GCC2: variants seen among roughly 807,000 people sequenced by gnomAD.
The protein encoded by GCC2 is GRIP and coiled-coil domain containing 2.
A neutral mutation model predicts 210.6 loss-of-function variants in GCC2; 120 were observed. The observed-to-expected ratio is 0.57, with a 90% confidence interval of 0.49 to 0.66. GCC2 has a LOEUF of 0.66. GCC2 is among the 30% of genes least tolerant of loss of function. GCC2 has a pLI of 0.00. For synonymous variants in GCC2, 703 were observed against 652.7 expected (o/e 1.08, Z -1.17); for missense variants, 1,868 against 1,871.9 (o/e 1.00, Z 0.04).
chr2:108,499,316 C>T (rs1036434615), intron 21 of GCC2, among the ~76,000 whole-genome samples: 20 of 151,056 alleles, frequency 1.3e-4, no homozygotes, highest in Non-Finnish European at 1.8e-4. Flanking sequence ...AGCTTTGAAA[C>T]TATCTCATAG....
chr2:108,478,630 C>T lies in GCC2; in HGVS notation c.3060+2780C>T, dbSNP rs1012756335. On this transcript the variant is annotated intron_variant, in intron 9 of 22. Coordinates refer to ENST00000309863, the MANE Select transcript of GCC2 (RefSeq NM_181453.4). The stretch of plus-strand genomic sequence containing the variant: ...TGTATGCATGGCATTCATTTTTGTT[C>T]CAAGACTCCCCTTAGGAATAATACT... Among the ~76,000 whole-genome samples the T allele has an allele frequency of 3.9e-5, 6 of 152,274 alleles. 1 individual carries two copies. The South Asian group carries it at 8.3e-4, about 21-fold the overall frequency.
chr2:108,487,728 C>T lies in GCC2; in HGVS notation c.3960C>T (p.Phe1320=), dbSNP rs141270164. 1.4e-5 allele frequency: 22 copies of T among 1,612,896 alleles called. No individual in the cohort carries two copies. In the African/African-American group the frequency reaches 2.1e-4, roughly 16 times the overall value. The stretch of plus-strand genomic sequence containing the variant: ...AACAAGCTACTGTAACCTCTGAATT[C>T]GAGAGCTACAAAGTCCGAGTTCATA... The part of the protein sequence containing the change: ...KAEQATVTSE[F]ESYKVRVHNV... Residue 1320 remains phenylalanine (F), a synonymous_variant, in exon 17 of 23, where the codon TTC becomes TTT. Coordinates refer to ENST00000309863, the MANE Select transcript of GCC2 (RefSeq NM_181453.4).
In GCC2 at chr2:108,472,890, G is replaced by GA; in HGVS notation, c.2857dup (p.Ile953AsnfsTer17). On this transcript the variant is annotated frameshift_variant, in exon 7 of 23. Coordinates refer to ENST00000309863, the MANE Select transcript of GCC2 (RefSeq NM_181453.4). LOFTEE classifies it high-confidence loss of function. ...TCTGTCTTCAGTAAAAGAGTTGGAA[G>GA]AAAAAATAGGTAACTATGGTTTTGC... 2 of 1,559,622 alleles carry GA rather than the reference G, an allele frequency of 1.3e-6. No homozygotes were observed. Among genetic ancestry groups the GA allele is most frequent in the Non-Finnish European group, 1.8e-6 (2 of 1,139,364 alleles).
At chr2:108,467,699 A>G (rs1054598127) in intron 4 of GCC2, among the ~76,000 whole-genome samples, 4 of 152,198 alleles carry the variant, frequency 2.6e-5, no homozygotes, top group Non-Finnish European at 4.4e-5. Flanking sequence ...GGATTTTTGC[A>G]TTTAGATTTG....
At chr2:108,494,157 G>A in intron 19 of GCC2, 1 of 257,166 alleles carries the variant, frequency 3.9e-6, no homozygotes, top group Non-Finnish European at 6.1e-6. Flanking sequence ...TGGATCACAT[G>A]AGGCCAGGAG....
intron 4 of GCC2, among the ~76,000 whole-genome samples, chr2:108,452,983 C>T (rs1027373113): frequency 1.3e-5 from 2 of 152,192 alleles, no homozygotes; most frequent in African/African-American, 2.4e-5. Context: ...TGAGCCACCA[C>T]GCCCAGCCCA....
chr2:108,469,703 T>A lies in GCC2; in HGVS notation c.374T>A (p.Ile125Lys). The A allele has an allele frequency of 6.2e-7, 1 of 1,609,508 alleles. No homozygotes were observed. Among genetic ancestry groups the A allele is most frequent in the Non-Finnish European group, 8.5e-7 (1 of 1,176,334 alleles). The change falls in exon 6 of 23, where the codon ATA (isoleucine) becomes AAA (lysine). Residue 125 changes from isoleucine (I) to lysine (K), a missense_variant. Coordinates refer to ENST00000309863, the MANE Select transcript of GCC2 (RefSeq NM_181453.4). ...CATAAGGAGTTGGAACAATCACATA[T>A]AAACTATGTGAAAGAAATTGAAAAT... is the stretch of plus-strand genomic sequence containing the variant. The part of the protein sequence containing the change: ...DAHKELEQSH[I>K]NYVKEIENLK...
In GCC2 at chr2:108,475,602, G is replaced by A. The variant is rs201741301; in HGVS notation, c.2928G>A (p.Lys976=). The A allele has an allele frequency of 1.7e-5, 27 of 1,545,840 alleles. No individual in the cohort carries two copies. The African/African-American group carries it at 3.2e-4, about 18-fold the overall frequency. ...ATAAGATAAAATTAGTTGCCGTAAAGGCAAAGAAAGAACTAGATTCCAGCA... is the reference window on the plus strand; with the variant it reads ...ATAAGATAAAATTAGTTGCCGTAAAAGCAAAGAAAGAACTAGATTCCAGCA... ...KINKIKLVAV[K]AKKELDSSRK... The change falls in exon 8 of 23, where the codon AAG becomes AAA. Residue 976 remains lysine (K), a synonymous_variant. Transcript: ENST00000309863.
chr2:108,493,326 G>C, intron 19 of GCC2: 1 of 724,172 alleles, frequency 1.4e-6, no homozygotes, highest in Non-Finnish European at 1.7e-6. Flanking sequence ...CTGACCTCGT[G>C]ATCCACCCGC....
intron 19 of GCC2, chr2:108,494,388 C>G (rs1449804714): frequency 2.0e-5 from 3 of 151,286 alleles, no homozygotes; most frequent in African/African-American, 4.9e-5. Context: ...AAAAAAAAAA[C>G]ACTATACAGT....
chr2:108,483,310 G>A, intron 12 of GCC2, 144 bp downstream of exon 12: 1 of 536,404 alleles, frequency 1.9e-6, no homozygotes, highest in East Asian at 3.6e-5. Flanking sequence ...TGCAACCTCC[G>A]CCTCCCGAGT....
At chr2:108,481,618 C>A in intron 9 of GCC2, 79 bp from the exon 10 acceptor site, 1 of 1,058,658 alleles carries the variant, frequency 9.4e-7, no homozygotes, top group Non-Finnish European at 1.4e-6. Flanking sequence ...ACTCATGAAT[C>A]TTAAGGTGGC....
At position 108,487,819 on chromosome 2, in the gene GCC2, AG is replaced by A; in HGVS notation, c.4052+1del. The A allele has an allele frequency of 6.2e-7, 1 of 1,612,938 alleles. No individual in the cohort carries two copies. Among genetic ancestry groups the A allele is most frequent in the Non-Finnish European group, 8.5e-7 (1 of 1,179,434 alleles). ...TGAAACTGAGGGCGCTAAACAAGAA[AG>A]GTAAAGTCTGAATTAAATATGCAGA... is the stretch of plus-strand genomic sequence containing the variant. ...QAETEGAKQE[R>X]EHLEMLIDQL... is the part of the protein sequence containing the mutation. On this transcript the variant is annotated frameshift_variant and splice_region_variant, in exon 17 of 23. Transcript: ENST00000309863. LOFTEE classifies it high-confidence loss of function.
intron 4 of GCC2, 43 bp from the exon 5 acceptor site, chr2:108,468,937 A>T: frequency 7.9e-7 from 1 of 1,267,192 alleles, no homozygotes; most frequent in Non-Finnish European, 1.2e-6. Flanking sequence ...TGGTCAATCC[A>T]CCATTTTTTA....
chr2:108,501,980 C>T (rs1682949360), intron 22 of GCC2, among the ~76,000 whole-genome samples: 1 of 152,012 alleles, frequency 6.6e-6, no homozygotes, highest in Non-Finnish European at 1.5e-5. Flanking sequence ...GTCACAAGGG[C>T]CCAAATAAGA....
intron 22 of GCC2, among the ~76,000 whole-genome samples, chr2:108,503,186 C>T (rs1233182836): frequency 6.6e-6 from 1 of 151,682 alleles, no homozygotes; most frequent in Admixed American, 6.6e-5. Flanking sequence ...AAGAAGAAAT[C>T]TACTTCTAGT....
chr2:108,462,919 GA>G (rs1402228175), intron 4 of GCC2, among the ~76,000 whole-genome samples: 1 of 150,000 alleles, frequency 6.7e-6, no homozygotes. Context: ...GACTATATCA[GA>G]AAAAAAAGAC....
At chr2:108,465,638 T>C (rs980979838) in intron 4 of GCC2, among the ~76,000 whole-genome samples, 3 of 152,234 alleles carry the variant, frequency 2.0e-5, no homozygotes, top group Non-Finnish European at 4.4e-5. Context: ...TAATGGCCTC[T>C]AGCTCCATCC....
In GCC2 at chr2:108,507,535, T is replaced by TC. The variant is rs753727652; in HGVS notation, c.4985-25_4985-24insC. On this transcript the variant is annotated intron_variant, in intron 22 of 22. Transcript: ENST00000309863. ...CTCTCTTTTTTCTTTTATTTTTCTT[T>TC]TTTTTTTTGTTTTACTTTCCAAAGG... The TC allele has an allele frequency of 2.6e-6, 4 of 1,509,702 alleles. No homozygotes were observed. In the South Asian group the frequency reaches 3.6e-5, roughly 14 times the overall value. The allele number at this position is 1,509,702 out of a possible 1,614,324, so 93.5% of individuals were successfully genotyped here.
Sources: allele counts gnomAD v4.1 joint callset (sites outside exome capture counted in the v4.1 genomes callset), GRCh38; gene constraint gnomAD v4.1.1; transcripts MANE v1.5; gene names NCBI Gene and HGNC (gene_info 2026-07-23, HGNC 2026-07-21).